The following EYA2 variants were observed in gnomAD, a reference collection of about 807,000 sequenced individuals.
EYA2 encodes the protein EYA transcriptional coactivator and phosphatase 2, also known as protein phosphatase EYA2.
In EYA2, 31 loss-of-function variants were observed where a neutral mutation model predicts 69.2. The ratio of observed to expected loss-of-function variants is 0.45; its 90% confidence interval spans 0.34 to 0.60. The LOEUF (loss-of-function observed/expected upper bound fraction) is 0.60. Ranked by LOEUF, EYA2 falls within the 20% of genes least tolerant of loss-of-function variation. EYA2 has a pLI of 0.02. For synonymous variants in EYA2, 257 were observed against 279.4 expected (o/e 0.92, Z 0.80); for missense variants, 622 against 701.2 (o/e 0.89, Z 1.28).
intron 1 of EYA2, among the ~76,000 whole-genome samples, chr20:46,915,894 C>T (rs1237243522): frequency 1.3e-5 from 2 of 152,110 alleles, no homozygotes; most frequent in Admixed American, 6.5e-5. Context: ...GTCATCATGG[C>T]GCTTTCCCTC....
At chr20:47,032,754 T>C (rs1387609132) in intron 5 of EYA2, among the ~76,000 whole-genome samples, 1 of 152,218 alleles carries the variant, frequency 6.6e-6, no homozygotes, top group Non-Finnish European at 1.5e-5. Context: ...ATGGGGTTTA[T>C]AGGAGTAGCT....
At chr20:47,011,945 T>C (rs1430008668) in intron 4 of EYA2, among the ~76,000 whole-genome samples, 3 of 152,176 alleles carry the variant, frequency 2.0e-5, no homozygotes, top group Non-Finnish European at 4.4e-5. Flanking sequence ...GAGCCAATCA[T>C]GTTGTCTCTT....
At chr20:47,047,644 C>G (rs1360063400) in intron 5 of EYA2, among the ~76,000 whole-genome samples, 2 of 152,212 alleles carry the variant, frequency 1.3e-5, no homozygotes, top group Non-Finnish European at 2.9e-5. Context: ...GCCTCAGCCT[C>G]CCAAAGTGCT....
chr20:47,183,309 A>G lies in EYA2; in HGVS notation c.1454A>G (p.Glu485Gly). The G allele has an allele frequency of 6.2e-7, 1 of 1,613,994 alleles. No individual in the cohort carries two copies. Among genetic ancestry groups the G allele is most frequent in the East Asian group, 2.2e-5 (1 of 44,864 alleles). Residue 485 changes from glutamate to glycine, a missense_variant, in exon 15 of 16, where the codon GAG becomes GGG. Physicochemically the swap from Glu to Gly is moderately conservative, Grantham distance 98. This residue lies in a region of EYA2 where 257 missense variants were observed against 351.5 expected (regional missense o/e 0.73). Transcript: ENST00000327619. Reference protein sequence around the residue: ...ATKTGKESCFERIMQRFGRKA... With the variant: ...ATKTGKESCFGRIMQRFGRKA... Reference sequence around the variant, plus strand: ...CGTGCAGGGAAGGAGAGCTGCTTCGAGAGGATAATGCAGAGATTCGGCAGA... The same window carrying G: ...CGTGCAGGGAAGGAGAGCTGCTTCGGGAGGATAATGCAGAGATTCGGCAGA...
At chr20:46,984,654 G>A (rs994785235) in intron 1 of EYA2, among the ~76,000 whole-genome samples, 1 of 152,184 alleles carries the variant, frequency 6.6e-6, no homozygotes, top group African/African-American at 2.4e-5. Flanking sequence ...TGGCACAGGA[G>A]TTATGAAGAA....
chr20:47,168,035 C>T (rs1275515585), intron 10 of EYA2, among the ~76,000 whole-genome samples: 1 of 152,068 alleles, frequency 6.6e-6, no homozygotes, highest in African/African-American at 2.4e-5. Flanking sequence ...GAAGAGACAG[C>T]ACCTCTTCCA....
intron 1 of EYA2, among the ~76,000 whole-genome samples, chr20:46,959,723 GCTT>G (rs1305655378): frequency 1.3e-5 from 2 of 152,196 alleles, no homozygotes; most frequent in African/African-American, 4.8e-5. Flanking sequence ...AGAGAATAAA[GCTT>G]CTCTCTTACC....
intron 9 of EYA2, among the ~76,000 whole-genome samples, chr20:47,105,840 G>A (rs988472195): frequency 1.3e-5 from 2 of 152,238 alleles, no homozygotes; most frequent in East Asian, 1.9e-4. Context: ...ATATTTTAAT[G>A]CAATATTTTA....
intron 15 of EYA2, among the ~76,000 whole-genome samples, chr20:47,185,683 G>A (rs73313777): frequency 0.084 from 12,710 of 152,142 alleles, 1,783 homozygotes; most frequent in African/African-American, 0.29. Context: ...GCTTGGCCGG[G>A]ATGAGGGCAG....
chr20:47,087,131 G>A (rs79741117), intron 7 of EYA2, among the ~76,000 whole-genome samples: 5 of 152,216 alleles, frequency 3.3e-5, no homozygotes, highest in African/African-American at 4.8e-5. Flanking sequence ...TCCTGACAGC[G>A]CAAAATCATG....
At chr20:47,171,084 C>A (rs1162775345) in intron 11 of EYA2, among the ~76,000 whole-genome samples, 1 of 152,170 alleles carries the variant, frequency 6.6e-6, no homozygotes, top group East Asian at 1.9e-4. Context: ...GTAAATAAAC[C>A]CCAGATCAAG....
intron 5 of EYA2, among the ~76,000 whole-genome samples, chr20:47,043,575 CTT>C (rs1568741927): frequency 6.6e-6 from 1 of 152,224 alleles, no homozygotes; most frequent in African/African-American, 2.4e-5. Flanking sequence ...CCTGGCCTAA[CTT>C]TGCACTTTTT....
chr20:47,030,313 A>G (rs1984333650), intron 5 of EYA2, among the ~76,000 whole-genome samples: 1 of 152,234 alleles, frequency 6.6e-6, no homozygotes, highest in Admixed American at 6.5e-5. Context: ...TGTCCCCATG[A>G]ATTTCCAGGC....
At chr20:47,071,263 C>T (rs768985704) in intron 5 of EYA2, among the ~76,000 whole-genome samples, 1 of 152,154 alleles carries the variant, frequency 6.6e-6, no homozygotes, top group Non-Finnish European at 1.5e-5. Context: ...CCGTCTCAGC[C>T]TCCCAAAGTG....
At chr20:46,947,156 C>T (rs925337121) in intron 1 of EYA2, among the ~76,000 whole-genome samples, 7 of 152,190 alleles carry the variant, frequency 4.6e-5, no homozygotes, top group African/African-American at 1.7e-4. Context: ...GAATGGCTGG[C>T]TGAGAAGCAG....
intron 5 of EYA2, among the ~76,000 whole-genome samples, chr20:47,049,261 C>T (rs1361948263): frequency 1.3e-5 from 2 of 152,196 alleles, no homozygotes; most frequent in African/African-American, 4.8e-5. Context: ...GGGCAGTGAT[C>T]AGAACTAGAA....
chr20:46,934,105 G>A (rs923693783), intron 1 of EYA2, among the ~76,000 whole-genome samples: 9 of 152,222 alleles, frequency 5.9e-5, no homozygotes, highest in Admixed American at 2.0e-4. Flanking sequence ...AGCATGGCTC[G>A]GAGGCACTGA....
At chr20:46,977,256 C>T (rs556422595) in intron 1 of EYA2, among the ~76,000 whole-genome samples, 1 of 152,316 alleles carries the variant, frequency 6.6e-6, no homozygotes, top group South Asian at 2.1e-4. Context: ...TGGCTGTAAT[C>T]TTATCTGAAA....
intron 10 of EYA2, among the ~76,000 whole-genome samples, chr20:47,146,017 G>A (rs898104497): frequency 6.6e-6 from 1 of 152,184 alleles, no homozygotes; most frequent in East Asian, 1.9e-4. Context: ...GTAGGAAGAC[G>A]TGGACTTGAG....
Sources: allele counts gnomAD v4.1 joint callset (sites outside exome capture counted in the v4.1 genomes callset), GRCh38; gene constraint gnomAD v4.1.1; regional missense constraint gnomAD v4.1.1; transcripts MANE v1.5; gene names NCBI Gene and HGNC (gene_info 2026-07-23, HGNC 2026-07-21).